Variants in FMNL3 observed in about 807,000 individuals in gnomAD.
FMNL3 encodes formin like 3.
A neutral mutation model predicts 119.6 loss-of-function variants in FMNL3; 57 were observed. The ratio of observed to expected loss-of-function variants is 0.48; its 90% CI spans 0.39 to 0.59. The LOEUF is 0.59. FMNL3 is among the 20% of genes least tolerant of loss of function. FMNL3 has a pLI of 0.00. For synonymous variants in FMNL3, 491 were observed against 507.3 expected, an observed-to-expected ratio of 0.97 and a Z score of 0.43; for missense variants, 1,053 against 1,323.5, an observed-to-expected ratio of 0.80 and a Z score of 3.17.
At position 49,649,280 on chromosome 12, in the gene FMNL3, G is replaced by A; in HGVS notation, c.2364C>T (p.Phe788=). 1.2e-6 allele frequency: 2 copies of A among 1,614,172 alleles called. No homozygotes were observed. Among genetic ancestry groups the A allele is most frequent in the Non-Finnish European group, 1.7e-6 (2 of 1,180,040 alleles). ...NSSKRGAVYG[F]KLQSLDLLLD... ...TTACCAGATCCAGGCTCTGGAGCTT[G>A]AAGCCATACACAGCTCCCCGCTTGC... The change falls in exon 20 of 26, where the codon TTC becomes TTT. Residue 788 remains phenylalanine, a synonymous_variant. Coordinates refer to ENST00000335154, the MANE Select transcript of FMNL3 (RefSeq NM_175736.5). This position sits in a 1 kb window ranked among gnomAD's most constrained non-coding sequence, Gnocchi z 5.6.
At chr12:49,654,111 A>G in intron 11 of FMNL3, 81 bp downstream of exon 11, 1 of 1,363,738 alleles carries the variant, frequency 7.3e-7, no homozygotes, top group Non-Finnish European at 1.0e-6. Flanking sequence ...AGGATTAGGC[A>G]CTTATAAAAG....
At chr12:49,672,294 G>A (rs530967725) in intron 1 of FMNL3, among the ~76,000 whole-genome samples, 2 of 152,122 alleles carry the variant, frequency 1.3e-5, no homozygotes, top group African/African-American at 4.8e-5. Context: ...CTTGAGGGGT[G>A]GGGGACATGG....
intron 8 of FMNL3, 125 bp downstream of exon 8, chr12:49,656,698 G>C (rs1050730776): frequency 2.0e-6 from 2 of 1,007,842 alleles, no homozygotes; most frequent in African/African-American, 1.6e-5. Context: ...TCCAGCAGAG[G>C]AGGGGGCCAA....
Position 49,642,145 on chromosome 12 carries a change from CCCTAA to C in FMNL3, c.*3665_*3669del, listed in dbSNP as rs894623488. 1.4e-5 allele frequency: 22 copies of C among 1,607,726 alleles called. No individual in the cohort carries two copies. In the African/African-American group the frequency reaches 2.5e-4, roughly 19 times the overall value. On this transcript the variant is annotated 3_prime_UTR_variant, in exon 26 of 26. Transcript: ENST00000335154. This position sits in a 1 kb window ranked among gnomAD's most constrained non-coding sequence, Gnocchi z 5.8. ...CAGGGGATGGTGGTAGAAGCCCAGA[CCCTAA>C]CTTTCCACCTCCTAAGGTATGCCTG...
At chr12:49,658,184 G>A (rs771216204) in intron 6 of FMNL3, among the ~76,000 whole-genome samples, 8 of 152,208 alleles carry the variant, frequency 5.3e-5, no homozygotes, top group Non-Finnish European at 7.3e-5. Flanking sequence ...CTCCCCCAGA[G>A]AGGGGTGAGG....
At chr12:49,646,606 G>A in intron 25 of FMNL3, 1 of 1,447,834 alleles carries the variant, frequency 6.9e-7, no homozygotes, top group Non-Finnish European at 9.2e-7. Context: ...TGGGAGACGG[G>A]CATGCAGAGG....
chr12:49,705,317 C>T (rs1489792117), intron 1 of FMNL3, among the ~76,000 whole-genome samples: 1 of 152,168 alleles, frequency 6.6e-6, no homozygotes, highest in African/African-American at 2.4e-5. Context: ...CTCTGGTGTC[C>T]TGGTTAACTA....
At chr12:49,705,444 G>T (rs138239362) in intron 1 of FMNL3, among the ~76,000 whole-genome samples, 15 of 152,228 alleles carry the variant, frequency 9.9e-5, no homozygotes, top group African/African-American at 3.6e-4. Context: ...ACAAAAAATG[G>T]CCTGGCAGCT....
Position 49,658,173 on chromosome 12 carries a change from G to C in FMNL3, c.605+269C>G, listed in dbSNP as rs552506508. Among the ~76,000 whole-genome samples the C allele has an allele frequency of 1.5e-3, 224 of 152,284 alleles. 1 individual carries two copies. The highest frequency in any genetic ancestry group is 5.1e-3 in the African/African-American group (214 of 41,556). ...AATGGCAGAGTGAGAGGAATGAAGGGCTCCCCCAGAGAGGGGTGAGGAATG... is the reference window on the plus strand; with the variant it reads ...AATGGCAGAGTGAGAGGAATGAAGGCCTCCCCCAGAGAGGGGTGAGGAATG... On this transcript the variant is annotated intron_variant, in intron 6 of 25. Coordinates refer to ENST00000335154, the MANE Select transcript of FMNL3 (RefSeq NM_175736.5).
rs1943272832 is a variant in FMNL3 at position 49,648,198 on chromosome 12, C to T, written c.2671G>A (p.Ala891Thr). 1 of 1,612,600 alleles carries T rather than the reference C, an allele frequency of 6.2e-7. No homozygotes were observed. Among genetic ancestry groups the T allele is most frequent in the Non-Finnish European group, 8.5e-7 (1 of 1,179,226 alleles). Residue 891 changes from alanine to threonine, a missense_variant, in exon 22 of 26, where the codon GCT becomes ACT. Ala to Thr is a moderately conservative substitution (Grantham distance 58). This residue lies in a region of FMNL3 where 324 missense variants were observed against 380.9 expected (regional missense o/e 0.85). Coordinates refer to ENST00000335154, the MANE Select transcript of FMNL3 (RefSeq NM_175736.5). Reference protein sequence around the residue: ...LDKLQRDAKTAEEAYNAVVRY... With the variant: ...LDKLQRDAKTTEEAYNAVVRY... ...CGCCTGCACCCCGTGCTTGCCTCAG[C>T]CGTCTTGGCGTCCCGCTGGAGCTTG...
chr12:49,694,880 C>T (rs986697187), intron 1 of FMNL3, among the ~76,000 whole-genome samples: 1 of 152,024 alleles, frequency 6.6e-6, no homozygotes, highest in Non-Finnish European at 1.5e-5. Flanking sequence ...CCACTGCACT[C>T]CAGCCTGGGC....
rs1454933898 is a variant in FMNL3, at chr12:49,647,624, C to A, written c.2778+79G>T. 3.8e-5 allele frequency: 49 copies of A among 1,305,730 alleles called. No homozygotes were observed. The highest frequency in any genetic ancestry group is 5.4e-5 in the Non-Finnish European group (49 of 909,064). The allele number at this position is 1,305,730 out of a possible 1,614,324, so 80.9% of individuals were successfully genotyped here. A position where few individuals can be genotyped will look rare whatever the true frequency, so the allele number is the denominator to read the frequency against. The stretch of plus-strand genomic sequence containing the variant: ...ACTCGGAGGAGGAGTCGGAAAAGGC[C>A]CATACTTTAAGCCCAGGCTTCTCTC... On this transcript the variant is annotated intron_variant, in intron 23 of 25. Transcript: ENST00000335154. The surrounding 1 kb of genome is among the most constrained non-coding windows in gnomAD (Gnocchi z 4.9).
Position 49,649,964 on chromosome 12 carries a change from C to T in FMNL3, c.2001-39G>A. On this transcript the variant is annotated intron_variant, in intron 17 of 25. Coordinates refer to ENST00000335154, the MANE Select transcript of FMNL3 (RefSeq NM_175736.5). The surrounding 1 kb of genome is among the most constrained non-coding windows in gnomAD (Gnocchi z 5.6). ...AGGGACCACCTCAGTTCTCACATCT[C>T]TCCACGTTTTCCCTCATCCCTTTTA... The T allele has an allele frequency of 6.4e-7, 1 of 1,554,414 alleles. No individual in the cohort carries two copies. Among genetic ancestry groups the T allele is most frequent in the Non-Finnish European group, 8.8e-7 (1 of 1,137,136 alleles).
intron 1 of FMNL3, among the ~76,000 whole-genome samples, chr12:49,685,895 C>T (rs769467818): frequency 2.5e-4 from 38 of 151,874 alleles, no homozygotes; most frequent in Non-Finnish European, 5.0e-4. Flanking sequence ...GGTGAAACCC[C>T]GTCTCTACTA....
intron 5 of FMNL3, chr12:49,660,039 A>T (rs1943687813): frequency 6.8e-6 from 6 of 878,046 alleles, no homozygotes; most frequent in Non-Finnish European, 8.2e-6. Context: ...CATGATCAGG[A>T]GGTGTTTAAT....
intron 5 of FMNL3, among the ~76,000 whole-genome samples, chr12:49,659,030 G>T (rs138294856): frequency 1.3e-5 from 2 of 152,354 alleles, no homozygotes; most frequent in African/African-American, 4.8e-5. Context: ...CCAACTGCAG[G>T]TCTTGCTAGC....
Position 49,641,284 on chromosome 12 carries a change from G to T in FMNL3, c.*4531C>A, listed in dbSNP as rs952835153. The T allele has an allele frequency of 6.6e-6, 1 of 152,320 alleles. No homozygotes were observed. Among genetic ancestry groups the T allele is most frequent in the African/African-American group, 2.4e-5 (1 of 41,438 alleles). 9.4% of individuals were successfully genotyped at this position (152,320 alleles called of 1,614,324 possible). A position where few individuals can be genotyped will look rare whatever the true frequency, so the allele number is the denominator to read the frequency against. On this transcript the variant is annotated 3_prime_UTR_variant, in exon 26 of 26. Coordinates refer to ENST00000335154, the MANE Select transcript of FMNL3 (RefSeq NM_175736.5). The stretch of plus-strand genomic sequence containing the variant: ...CCCATGGACTAAGTCATCTGGGTGG[G>T]TGTGGTGCTTGAAAGCAGACACTTT...
At position 49,637,600 on chromosome 12, in the gene FMNL3, T is replaced by G. The variant is rs371192317; in HGVS notation, c.*8215A>C. The G allele has an allele frequency of 6.8e-6, 11 of 1,606,952 alleles. No individual in the cohort carries two copies. The highest frequency in any genetic ancestry group is 9.4e-6 in the Non-Finnish European group (11 of 1,175,054). Reference sequence around the variant, plus strand: ...GGCCAGCCGGGTAAGGCAGCCAGGCTCCCCCTTCTCTGGCCTGGCTTCCTG... The same window carrying G: ...GGCCAGCCGGGTAAGGCAGCCAGGCGCCCCCTTCTCTGGCCTGGCTTCCTG... On this transcript the variant is annotated 3_prime_UTR_variant, in exon 26 of 26. Transcript: ENST00000335154.
chr12:49,687,420 T>A (rs1395144713), intron 1 of FMNL3, among the ~76,000 whole-genome samples: 1 of 151,322 alleles, frequency 6.6e-6, no homozygotes, highest in Non-Finnish European at 1.5e-5. Context: ...AGAGACGGGG[T>A]TGTCCAGGCT....
Sources: gnomAD v4.1 joint callset for allele counts (sites outside exome capture counted in the v4.1 genomes callset) on GRCh38, gnomAD v4.1.1 for gene constraint, gnomAD v4.1.1 regional missense constraint, Gnocchi (gnomAD v3.1) non-coding constraint, MANE v1.5 for transcripts, NCBI Gene and HGNC (gene_info 2026-07-23, HGNC 2026-07-21) for gene names.